ERO1B: variants seen among roughly 807,000 people sequenced by gnomAD.
ERO1B encodes the protein endoplasmic reticulum oxidoreductase 1 beta, also known as ERO1-like protein beta.
In ERO1B, 49 loss-of-function variants were observed where a neutral mutation model predicts 75.3. The observed-to-expected ratio is 0.65, with a 90% CI of 0.52 to 0.83. The LOEUF (loss-of-function observed/expected upper bound fraction) is 0.83, where lower values mean the gene tolerates loss of function less well. Ranked by LOEUF, ERO1B falls within the 40% of genes least tolerant of loss-of-function variation. The pLI, the probability that ERO1B is intolerant of heterozygous loss-of-function variation, is 0.00. For synonymous variants in ERO1B, 191 were observed against 192.9 expected (o/e 0.99, Z 0.08); for missense variants, 512 against 560.1 (o/e 0.91, Z 0.87).
chr1:236,226,522 A>T lies in ERO1B; in HGVS notation c.806-7T>A. 6.2e-7 allele frequency: 1 copy of T among 1,607,892 alleles called. No individual in the cohort carries two copies. The highest frequency in any genetic ancestry group is 8.5e-7 in the Non-Finnish European group (1 of 1,178,540). ...CTGGGCTTACCCCAGGTTTCTAAAGAGAAAGAGAAATACATTACATTGTTT... is the reference window on the plus strand; with the variant it reads ...CTGGGCTTACCCCAGGTTTCTAAAGTGAAAGAGAAATACATTACATTGTTT... On this transcript the variant is annotated splice_polypyrimidine_tract_variant and splice_region_variant and intron_variant, in intron 11 of 15. Transcript: ENST00000354619.
intron 2 of ERO1B, among the ~76,000 whole-genome samples, chr1:236,267,343 C>T (rs1284565190): frequency 6.6e-6 from 1 of 152,154 alleles, no homozygotes; most frequent in Non-Finnish European, 1.5e-5. Flanking sequence ...AAATACCCTA[C>T]CTGGAATACC....
chr1:236,243,517 A>G, intron 5 of ERO1B, 22 bp from the exon 6 acceptor site: 1 of 1,531,106 alleles, frequency 6.5e-7, no homozygotes, highest in Non-Finnish European at 8.9e-7. Flanking sequence ...AGGAATAAAA[A>G]AGAAAAATTA....
At chr1:236,228,621 T>C (rs1664330538) in intron 10 of ERO1B, among the ~76,000 whole-genome samples, 2 of 152,234 alleles carry the variant, frequency 1.3e-5, no homozygotes, top group Admixed American at 1.3e-4. Flanking sequence ...AAAATGCATT[T>C]TCAGCACTTG....
intron 2 of ERO1B, among the ~76,000 whole-genome samples, chr1:236,268,757 G>A (rs1472445593): frequency 6.6e-6 from 1 of 151,912 alleles, no homozygotes; most frequent in Non-Finnish European, 1.5e-5. Flanking sequence ...GTGGTGGCAG[G>A]TGCCTGTAGT....
chr1:236,221,195 T>C (rs1196073786), intron 14 of ERO1B, among the ~76,000 whole-genome samples: 1 of 152,188 alleles, frequency 6.6e-6, no homozygotes, highest in Non-Finnish European at 1.5e-5. Context: ...ATACATATCA[T>C]ACTATTCCAA....
At chr1:236,238,840 AAATAACC>A (rs993242516) in intron 6 of ERO1B, among the ~76,000 whole-genome samples, 1 of 152,156 alleles carries the variant, frequency 6.6e-6, no homozygotes. Flanking sequence ...AAAACCAACC[AAATAACC>A]AATAAAGAAG....
intron 5 of ERO1B, among the ~76,000 whole-genome samples, chr1:236,248,938 T>C (rs989631201): frequency 1.3e-5 from 2 of 152,172 alleles, no homozygotes; most frequent in Non-Finnish European, 2.9e-5. Flanking sequence ...TATTATCTTT[T>C]ATTTTCCTAT....
intron 13 of ERO1B, among the ~76,000 whole-genome samples, chr1:236,224,482 A>AAT (rs35000494): frequency 0.45 from 67,782 of 150,286 alleles, 15,893 homozygotes; most frequent in East Asian, 0.87. Flanking sequence ...AAAAAAAAAA[A>AAT]TGCCAATTTC....
chr1:236,220,117 T>G (rs1664102206), intron 15 of ERO1B: 1 of 150,644 alleles, frequency 6.6e-6, no homozygotes, highest in African/African-American at 2.4e-5. Flanking sequence ...AAACACATGT[T>G]AAGAAAACCA....
chr1:236,263,145 A>C (rs918349278), intron 2 of ERO1B, among the ~76,000 whole-genome samples: 1 of 152,104 alleles, frequency 6.6e-6, no homozygotes, highest in African/African-American at 2.4e-5. Context: ...ACCCTAACTA[A>C]GCTCTTGTAC....
At chr1:236,241,875 T>A (rs1230302102) in intron 6 of ERO1B, among the ~76,000 whole-genome samples, 1 of 152,102 alleles carries the variant, frequency 6.6e-6, no homozygotes, top group Non-Finnish European at 1.5e-5. Context: ...AAGACCATCC[T>A]GGCTAACATG....
At chr1:236,224,506 A>G (rs1265046339) in intron 13 of ERO1B, among the ~76,000 whole-genome samples, 1 of 151,996 alleles carries the variant, frequency 6.6e-6, no homozygotes, top group Non-Finnish European at 1.5e-5. Context: ...TACTTTTATG[A>G]ACATTTTAAG....
intron 6 of ERO1B, among the ~76,000 whole-genome samples, chr1:236,240,811 T>C (rs1419150430): frequency 1.3e-5 from 2 of 152,088 alleles, no homozygotes; most frequent in African/African-American, 4.8e-5. Context: ...CTCAATAATA[T>C]GCCATATACT....
At chr1:236,268,329 A>T (rs530002411) in intron 2 of ERO1B, among the ~76,000 whole-genome samples, 3 of 151,928 alleles carry the variant, frequency 2.0e-5, no homozygotes, top group African/African-American at 7.3e-5. Context: ...AATCCCAGCT[A>T]CTCGGGAGGC....
rs1181508420 is a variant in ERO1B, at chr1:236,217,031, C to A, written c.*1485G>T. On this transcript the variant is annotated 3_prime_UTR_variant, in exon 16 of 16. Coordinates refer to ENST00000354619, the MANE Select transcript of ERO1B (RefSeq NM_019891.4). ...AATAAATAACTCTGAGACCTTAATACCCCCACCACATCCCACCAAGAGATG... is the reference window on the plus strand; with the variant it reads ...AATAAATAACTCTGAGACCTTAATAACCCCACCACATCCCACCAAGAGATG... The A allele has an allele frequency of 2.0e-5, 3 of 151,816 alleles. 1 individual carries two copies. Among genetic ancestry groups the A allele is most frequent in the Non-Finnish European group, 4.4e-5 (3 of 67,904 alleles). 9.4% of individuals were successfully genotyped at this position (151,816 alleles called of 1,614,324 possible). A position where few individuals can be genotyped will look rare whatever the true frequency, so the allele number is the denominator to read the frequency against.
chr1:236,276,395 C>A (rs1315280105), intron 1 of ERO1B, among the ~76,000 whole-genome samples: 1 of 152,084 alleles, frequency 6.6e-6, no homozygotes, highest in East Asian at 1.9e-4. Context: ...CCCTGAGGTT[C>A]AAATGATTAG....
chr1:236,241,855 T>G (rs1352993154), intron 6 of ERO1B, among the ~76,000 whole-genome samples: 3 of 151,892 alleles, frequency 2.0e-5, no homozygotes, highest in Admixed American at 2.0e-4. Context: ...GATCACGAGG[T>G]CAGGAGATCA....
At chr1:236,231,908 CTAATT>C (rs1005708483) in intron 9 of ERO1B, among the ~76,000 whole-genome samples, 17 of 152,268 alleles carry the variant, frequency 1.1e-4, no homozygotes, top group Admixed American at 9.2e-4. Flanking sequence ...CTCTATCAAT[CTAATT>C]TAAACTACCA....
At chr1:236,231,462 C>T (rs1664405759) in intron 9 of ERO1B, among the ~76,000 whole-genome samples, 1 of 149,780 alleles carries the variant, frequency 6.7e-6, no homozygotes, top group Non-Finnish European at 1.5e-5. Flanking sequence ...TATACCCATT[C>T]CACAATGTAT....
Sources: gnomAD v4.1 joint callset for allele counts (sites outside exome capture counted in the v4.1 genomes callset) on GRCh38, gnomAD v4.1.1 for gene constraint, MANE v1.5 for transcripts, NCBI Gene and HGNC (gene_info 2026-07-23, HGNC 2026-07-21) for gene names.